The following DACH2 variants were observed in gnomAD, a reference collection of about 807,000 sequenced individuals.
DACH2 encodes dachshund homolog 2.
A neutral mutation model predicts 35.8 loss-of-function variants in DACH2; 17 were observed. The ratio of observed to expected loss-of-function variants is 0.48; its 90% CI spans 0.33 to 0.71. The LOEUF is 0.71. Ranked by LOEUF, DACH2 falls within the 30% of genes least tolerant of loss-of-function variation. The pLI is 0.02. For missense variants in DACH2, 469 were observed against 472.7 expected (o/e 0.99, Z 0.07); for synonymous variants, 195 against 177.3 (o/e 1.10, Z -0.79).
intron 1 of DACH2, among the ~76,000 whole-genome samples, chrX:86,339,096 T>G (rs2035369750): frequency 9.0e-6 from 1 of 111,515 alleles, no homozygotes; most frequent in African/African-American, 3.3e-5. Context: ...CCAAAAACAG[T>G]CCAGGACCAG....
intron 2 of DACH2, among the ~76,000 whole-genome samples, chrX:86,405,505 C>A (rs1339887329): frequency 9.0e-6 from 1 of 111,533 alleles, no homozygotes; most frequent in African/African-American, 3.3e-5. Flanking sequence ...CCTTATTGTG[C>A]ATATCACTAT....
intron 4 of DACH2, among the ~76,000 whole-genome samples, chrX:86,688,041 TAAA>T (rs71709871): frequency 3.7e-5 from 4 of 109,095 alleles, no homozygotes; most frequent in Non-Finnish European, 7.6e-5. Flanking sequence ...TAAAGTATAA[TAAA>T]AAAAAAGAAA....
At chrX:86,496,676 GCC>G (rs1440609898) in intron 2 of DACH2, among the ~76,000 whole-genome samples, 1 of 104,747 alleles carries the variant, frequency 9.5e-6, no homozygotes, top group African/African-American at 4.0e-5. Context: ...GACTGATGAT[GCC>G]ACACACACAC....
At chrX:86,600,929 C>G (rs919634741) in intron 3 of DACH2, among the ~76,000 whole-genome samples, 1 of 111,252 alleles carries the variant, frequency 9.0e-6, no homozygotes, top group African/African-American at 3.3e-5. Flanking sequence ...TGTGCTTGGC[C>G]CCACTTTCTT....
chrX:86,462,206 A>G (rs2037586059), intron 2 of DACH2, among the ~76,000 whole-genome samples: 1 of 111,855 alleles, frequency 8.9e-6, no homozygotes, highest in South Asian at 3.7e-4. Context: ...AACTACAAAT[A>G]TCATATAAGA....
Position 86,582,160 on chromosome X carries a change from G to A in DACH2, c.640+67769G>A, listed in dbSNP as rs971685381. Among the ~76,000 whole-genome samples the A allele has an allele frequency of 6.3e-5, 7 of 111,248 alleles. No homozygotes were observed. In the East Asian group the frequency reaches 8.5e-4, roughly 13 times the overall value. The stretch of plus-strand genomic sequence containing the variant: ...AAGACAGAAATTATTTGAAACAAAT[G>A]AGAAAAAAATAAAACAAACTAGAAT... On this transcript the variant is annotated intron_variant, in intron 3 of 11. Transcript: ENST00000373125.
At chrX:86,159,296 A>G (rs762057415) in intron 1 of DACH2, among the ~76,000 whole-genome samples, 1 of 111,541 alleles carries the variant, frequency 9.0e-6, no homozygotes, top group Non-Finnish European at 1.9e-5. Flanking sequence ...GAGTACATTG[A>G]CCCTTAAATA....
intron 2 of DACH2, among the ~76,000 whole-genome samples, chrX:86,396,570 G>T (rs1221988773): frequency 9.5e-6 from 1 of 105,639 alleles, no homozygotes; most frequent in African/African-American, 3.5e-5. Context: ...TTTGTATAAG[G>T]TGTAAGGAAG....
intron 3 of DACH2, among the ~76,000 whole-genome samples, chrX:86,578,247 T>C (rs942298903): frequency 1.8e-5 from 2 of 111,101 alleles, no homozygotes; most frequent in Non-Finnish European, 3.8e-5. Flanking sequence ...TTTCTTCTTG[T>C]TGGAGAGAAA....
intron 3 of DACH2, among the ~76,000 whole-genome samples, chrX:86,517,970 C>G (rs191379518): frequency 1.8e-4 from 20 of 111,275 alleles, no homozygotes; most frequent in African/African-American, 5.9e-4. Flanking sequence ...AAATCTTTGC[C>G]CATTCCTATG....
At chrX:86,433,465 T>A (rs765550306) in intron 2 of DACH2, among the ~76,000 whole-genome samples, 9 of 112,087 alleles carry the variant, frequency 8.0e-5, no homozygotes, top group Non-Finnish European at 1.7e-4. Context: ...AGAAAGGTAA[T>A]CCTCAATAAT....
At chrX:86,449,930 T>A (rs1262924163) in intron 2 of DACH2, among the ~76,000 whole-genome samples, 2 of 111,733 alleles carry the variant, frequency 1.8e-5, no homozygotes, top group African/African-American at 6.5e-5. Flanking sequence ...ATTGTTTCAG[T>A]TTTAGAGTAT....
chrX:86,579,830 ATTAG>A (rs1008283054), intron 3 of DACH2, among the ~76,000 whole-genome samples: 3 of 112,506 alleles, frequency 2.7e-5, no homozygotes, highest in African/African-American at 9.7e-5. Context: ...CCATTCAAAA[ATTAG>A]TTAGCACTTT....
chrX:86,609,354 C>A (rs1050895788), intron 3 of DACH2, among the ~76,000 whole-genome samples: 2 of 111,964 alleles, frequency 1.8e-5, no homozygotes, highest in African/African-American at 6.5e-5. Context: ...TGATAAAATT[C>A]TGAATTCCTT....
chrX:86,748,991 TA>T lies in DACH2; in HGVS notation c.1240+9112del, dbSNP rs1323336842. ...ATGTTAAGGAGATTGTTCCTTTACT[TA>T]AACCTCATAAACCCACGTTTGTTAG... On this transcript the variant is annotated intron_variant, in intron 7 of 11. Transcript: ENST00000373125. Among the ~76,000 whole-genome samples, 3 of 112,129 alleles carry T rather than the reference TA, an allele frequency of 2.7e-5. No individual in the cohort carries two copies. In the Admixed American group the frequency reaches 2.8e-4, roughly 11 times the overall value.
chrX:86,787,977 T>G, intron 7 of DACH2, among the ~76,000 whole-genome samples: 1 of 110,969 alleles, frequency 9.0e-6, no homozygotes, highest in Middle Eastern at 4.7e-3. Flanking sequence ...GAGATTCGAG[T>G]GCACTACTTG....
At chrX:86,681,923 C>A (rs375363400) in intron 4 of DACH2, among the ~76,000 whole-genome samples, 1 of 110,596 alleles carries the variant, frequency 9.0e-6, no homozygotes, top group African/African-American at 3.3e-5. Context: ...CTTTTCTCTT[C>A]AGGCATCAAC....
chrX:86,827,220 T>C (rs2042570240), intron 11 of DACH2, among the ~76,000 whole-genome samples: 2 of 112,175 alleles, frequency 1.8e-5, no homozygotes, highest in Admixed American at 1.9e-4. Context: ...ATAACCATCC[T>C]GTCAGGGAAG....
chrX:86,451,241 A>G (rs1455328637), intron 2 of DACH2, among the ~76,000 whole-genome samples: 5 of 111,685 alleles, frequency 4.5e-5, no homozygotes, highest in African/African-American at 1.6e-4. Flanking sequence ...TGTATATGGT[A>G]TAAGGAAGGG....
Sources: allele counts gnomAD v4.1 joint callset (sites outside exome capture counted in the v4.1 genomes callset), GRCh38; gene constraint gnomAD v4.1.1; transcripts MANE v1.5; gene names NCBI Gene and HGNC (gene_info 2026-07-23, HGNC 2026-07-21).